The following JAZF1 variants were observed in gnomAD, a reference collection of about 807,000 sequenced individuals.
The protein encoded by JAZF1 is juxtaposed with another zinc finger protein 1.
A neutral mutation model predicts 26.4 loss-of-function variants in JAZF1; 8 were observed. The ratio of observed to expected loss-of-function variants is 0.30; its 90% confidence interval spans 0.18 to 0.55. The LOEUF is 0.55. Ranked by LOEUF, JAZF1 falls within the 20% of genes least tolerant of loss-of-function variation. The pLI is 0.94. For missense variants in JAZF1, 199 were observed against 322.0 expected, an observed-to-expected ratio of 0.62 and a Z score of 2.92; for synonymous variants, 126 against 122.3, an observed-to-expected ratio of 1.03 and a Z score of -0.20.
chr7:28,089,012 T>C (rs534029895), intron 1 of JAZF1, among the ~76,000 whole-genome samples: 1 of 152,198 alleles, frequency 6.6e-6, no homozygotes, highest in South Asian at 2.1e-4. Context: ...CCAACAAGAA[T>C]AAAAATGCTC....
chr7:27,914,934 T>A (rs1335273227), intron 2 of JAZF1: 6 of 418,408 alleles, frequency 1.4e-5, no homozygotes. Context: ...ATTTACTTTA[T>A]GTAAAGGATT....
chr7:27,876,216 T>C (rs769878547), intron 3 of JAZF1, among the ~76,000 whole-genome samples: 6 of 152,208 alleles, frequency 3.9e-5, no homozygotes, highest in Non-Finnish European at 7.4e-5. Context: ...CAAGGTGGGG[T>C]GGAAGGGACA....
chr7:28,007,393 A>G (rs1562557185), intron 1 of JAZF1, among the ~76,000 whole-genome samples: 1 of 152,122 alleles, frequency 6.6e-6, no homozygotes, highest in South Asian at 2.1e-4. Flanking sequence ...ACATGGTGAA[A>G]CCCTGTCTCT....
At chr7:27,953,886 T>C (rs963217723) in intron 2 of JAZF1, among the ~76,000 whole-genome samples, 3 of 152,170 alleles carry the variant, frequency 2.0e-5, no homozygotes, top group Admixed American at 2.0e-4. Context: ...AGCTTCTTAC[T>C]GGAGATGTCA....
At chr7:28,140,194 T>C (rs1202450196) in intron 1 of JAZF1, among the ~76,000 whole-genome samples, 2 of 151,816 alleles carry the variant, frequency 1.3e-5, no homozygotes, top group African/African-American at 2.4e-5. Flanking sequence ...GCAATTCTCC[T>C]GCCTCAGCCT....
intron 3 of JAZF1, among the ~76,000 whole-genome samples, chr7:27,883,531 G>C (rs1783805973): frequency 6.6e-6 from 1 of 152,202 alleles, no homozygotes; most frequent in Non-Finnish European, 1.5e-5. Flanking sequence ...CTTTCTGTTA[G>C]TACAGATATT....
chr7:27,952,061 C>G (rs1785019248), intron 2 of JAZF1, among the ~76,000 whole-genome samples: 1 of 152,166 alleles, frequency 6.6e-6, no homozygotes, highest in Non-Finnish European at 1.5e-5. Flanking sequence ...GGGGTGGGCA[C>G]TCAGAGCAGC....
chr7:27,984,488 C>T (rs1219896531), intron 2 of JAZF1, among the ~76,000 whole-genome samples: 1 of 152,090 alleles, frequency 6.6e-6, no homozygotes, highest in African/African-American at 2.4e-5. Context: ...ACTTAGACTC[C>T]CACACAATAA....
intron 2 of JAZF1, among the ~76,000 whole-genome samples, chr7:27,920,201 CAA>C (rs1226189110): frequency 6.6e-6 from 1 of 152,152 alleles, no homozygotes; most frequent in Non-Finnish European, 1.5e-5. Flanking sequence ...TCTTGGGGAG[CAA>C]AATTACTTAC....
At chr7:28,099,686 G>A (rs903830736) in intron 1 of JAZF1, among the ~76,000 whole-genome samples, 11 of 152,054 alleles carry the variant, frequency 7.2e-5, no homozygotes, top group African/African-American at 2.4e-4. Flanking sequence ...ATGTTGGTCA[G>A]GCTGGTCTCA....
chr7:27,897,121 T>C (rs956030636), intron 2 of JAZF1, among the ~76,000 whole-genome samples: 2 of 152,024 alleles, frequency 1.3e-5, no homozygotes, highest in African/African-American at 2.4e-5. Context: ...CTAACTATCA[T>C]GGTGCTGAGC....
At chr7:27,850,659 C>T (rs1424399995) in intron 3 of JAZF1, among the ~76,000 whole-genome samples, 1 of 152,170 alleles carries the variant, frequency 6.6e-6, no homozygotes, top group Non-Finnish European at 1.5e-5. Flanking sequence ...CAACTCTTGA[C>T]TCCCTCTAAT....
At chr7:28,129,639 G>T (rs1314145496) in intron 1 of JAZF1, among the ~76,000 whole-genome samples, 1 of 152,086 alleles carries the variant, frequency 6.6e-6, no homozygotes, top group African/African-American at 2.4e-5. Context: ...TACTAAAGCA[G>T]TTGAGAAAAA....
chr7:27,976,704 A>C (rs1785479847), intron 2 of JAZF1, among the ~76,000 whole-genome samples: 1 of 152,110 alleles, frequency 6.6e-6, no homozygotes, highest in African/African-American at 2.4e-5. Flanking sequence ...TTCATGAAAA[A>C]AAAAAAGTCA....
intron 1 of JAZF1, among the ~76,000 whole-genome samples, chr7:28,056,066 T>A (rs1331871153): frequency 6.6e-6 from 1 of 152,120 alleles, no homozygotes; most frequent in Non-Finnish European, 1.5e-5. Flanking sequence ...GACAGTGTCT[T>A]ACCCACCACA....
intron 2 of JAZF1, among the ~76,000 whole-genome samples, chr7:27,936,537 C>T (rs1174358579): frequency 6.6e-6 from 1 of 152,204 alleles, no homozygotes; most frequent in Non-Finnish European, 1.5e-5. Flanking sequence ...ATTTACACAT[C>T]TATGCAGTCT....
chr7:27,920,448 G>A (rs1784508509), intron 2 of JAZF1, among the ~76,000 whole-genome samples: 1 of 152,320 alleles, frequency 6.6e-6, no homozygotes, highest in Middle Eastern at 3.4e-3. Context: ...AACTGTGTAA[G>A]CAGGTTGGCT....
At chr7:28,021,285 A>C (rs1032739620) in intron 1 of JAZF1, among the ~76,000 whole-genome samples, 17 of 152,214 alleles carry the variant, frequency 1.1e-4, no homozygotes, top group Admixed American at 2.6e-4. Flanking sequence ...CATTTATAGC[A>C]GGTGGTTAGA....
chr7:27,958,631 G>T (rs1261982880), intron 2 of JAZF1, among the ~76,000 whole-genome samples: 1 of 152,200 alleles, frequency 6.6e-6, no homozygotes, highest in African/African-American at 2.4e-5. Flanking sequence ...CCCAGCCCAG[G>T]CTCTCTGATT....
Sources: allele counts gnomAD v4.1 joint callset (sites outside exome capture counted in the v4.1 genomes callset), GRCh38; gene constraint gnomAD v4.1.1; transcripts MANE v1.5; gene names NCBI Gene and HGNC (gene_info 2026-07-23, HGNC 2026-07-21).